CCDC102B: variants seen among roughly 807,000 people sequenced by gnomAD.
The protein encoded by CCDC102B is coiled-coil domain containing 102B.
In CCDC102B, 75 loss-of-function variants were observed where a neutral mutation model predicts 57.4. The observed-to-expected ratio is 1.31, with a 90% CI of 1.08 to 1.58. The LOEUF (loss-of-function observed/expected upper bound fraction) is 1.58. Among genes scored for constraint, CCDC102B ranks in the 40% most tolerant of loss-of-function variants. CCDC102B has a pLI of 0.00. For missense variants in CCDC102B, 636 were observed against 582.6 expected (o/e 1.09, Z -0.94); for synonymous variants, 206 against 201.9 (o/e 1.02, Z -0.17).
intron 6 of CCDC102B, among the ~76,000 whole-genome samples, chr18:68,989,678 T>C (rs665143): frequency 0.011 from 1,660 of 152,300 alleles, 42 homozygotes; most frequent in African/African-American, 0.038. Context: ...GCTACCACGT[T>C]GTCTCTCTTG....
At chr18:69,024,965 A>G (rs575989992) in intron 7 of CCDC102B, among the ~76,000 whole-genome samples, 52 of 152,234 alleles carry the variant, frequency 3.4e-4, no homozygotes, top group African/African-American at 1.2e-3. Context: ...CAACTTGCAT[A>G]ATCAGATCAA....
At chr18:68,839,035 C>A in intron 3 of CCDC102B, 109 bp downstream of exon 3, 1 of 920,944 alleles carries the variant, frequency 1.1e-6, no homozygotes, top group Non-Finnish European at 1.7e-6. Context: ...CATGTTTAGT[C>A]ATTAAGTTTT....
At chr18:68,883,951 T>C (rs1333262497) in intron 5 of CCDC102B, among the ~76,000 whole-genome samples, 1 of 152,146 alleles carries the variant, frequency 6.6e-6, no homozygotes, top group Non-Finnish European at 1.5e-5. Context: ...TTTCCTGTTA[T>C]GGAGAAGTTT....
At chr18:68,746,123 A>G (rs188392306) in intron 2 of CCDC102B, among the ~76,000 whole-genome samples, 2 of 152,344 alleles carry the variant, frequency 1.3e-5, no homozygotes, top group East Asian at 1.9e-4. Context: ...TATGCAACGC[A>G]TGACATCTTG....
chr18:69,036,487 G>A (rs890743877), intron 7 of CCDC102B, among the ~76,000 whole-genome samples: 1 of 152,022 alleles, frequency 6.6e-6, no homozygotes, highest in Non-Finnish European at 1.5e-5. Context: ...GGATTCATCT[G>A]GCATACCTAA....
At chr18:68,789,134 C>A (rs1433200615) in intron 2 of CCDC102B, among the ~76,000 whole-genome samples, 1 of 152,140 alleles carries the variant, frequency 6.6e-6, no homozygotes, top group Non-Finnish European at 1.5e-5. Context: ...AAATTCTTGT[C>A]TTTAAGAATG....
intron 2 of CCDC102B, among the ~76,000 whole-genome samples, chr18:68,756,593 C>T (rs932219186): frequency 1.3e-5 from 2 of 152,140 alleles, no homozygotes; most frequent in Admixed American, 6.6e-5. Context: ...CAAGAGAAGT[C>T]ATGCCCAATG....
chr18:68,818,913 T>C (rs1382367417), intron 1 of CCDC102B, among the ~76,000 whole-genome samples: 1 of 152,120 alleles, frequency 6.6e-6, no homozygotes, highest in Non-Finnish European at 1.5e-5. Context: ...CCGGTGTGCA[T>C]ATTGTCTTTC....
chr18:69,027,755 G>A (rs1344650190), intron 7 of CCDC102B, among the ~76,000 whole-genome samples: 2 of 151,768 alleles, frequency 1.3e-5, no homozygotes, highest in Admixed American at 1.3e-4. Flanking sequence ...TCCTTGAACA[G>A]TGCATACGTA....
chr18:68,944,750 G>A (rs1003807681), intron 6 of CCDC102B, among the ~76,000 whole-genome samples: 5 of 151,978 alleles, frequency 3.3e-5, no homozygotes, highest in Non-Finnish European at 7.4e-5. Flanking sequence ...GAACACTAAC[G>A]AGGTTAGGAA....
At chr18:69,046,478 G>A (rs1396956617) in intron 7 of CCDC102B, among the ~76,000 whole-genome samples, 1 of 151,920 alleles carries the variant, frequency 6.6e-6, no homozygotes, top group African/African-American at 2.4e-5. Flanking sequence ...AGGTTCTTAA[G>A]CATTCTGGAT....
intron 7 of CCDC102B, among the ~76,000 whole-genome samples, chr18:69,012,159 G>A (rs1240780998): frequency 6.6e-6 from 1 of 152,084 alleles, no homozygotes; most frequent in Non-Finnish European, 1.5e-5. Context: ...GATGGTGGAA[G>A]AGTAAGTTGG....
chr18:68,966,886 TG>T (rs2066115702), intron 6 of CCDC102B, among the ~76,000 whole-genome samples: 1 of 152,132 alleles, frequency 6.6e-6, no homozygotes, highest in Admixed American at 6.6e-5. Context: ...CCAGCTGTGG[TG>T]GAATCTACCA....
chr18:68,784,273 G>A (rs1292975318), intron 2 of CCDC102B, among the ~76,000 whole-genome samples: 1 of 151,830 alleles, frequency 6.6e-6, no homozygotes, highest in East Asian at 1.9e-4. Context: ...AAGGCAAAGG[G>A]TGAGTGAGGC....
chr18:69,031,004 T>G (rs1374010251), intron 7 of CCDC102B, among the ~76,000 whole-genome samples: 2 of 152,186 alleles, frequency 1.3e-5, no homozygotes, highest in African/African-American at 4.8e-5. Flanking sequence ...TCCATGAAAT[T>G]AAGGTTTTGT....
At chr18:68,927,564 A>G (rs1234933014) in intron 6 of CCDC102B, among the ~76,000 whole-genome samples, 1 of 152,004 alleles carries the variant, frequency 6.6e-6, no homozygotes, top group African/African-American at 2.4e-5. Context: ...AATAATTCCT[A>G]GAAATGACAT....
chr18:68,831,462 A>G (rs1031800951), intron 1 of CCDC102B, among the ~76,000 whole-genome samples: 3 of 152,162 alleles, frequency 2.0e-5, no homozygotes, highest in African/African-American at 7.2e-5. Context: ...CTTGGCAAAC[A>G]TGACATTGTT....
At chr18:69,036,774 C>T (rs1014984994) in intron 7 of CCDC102B, among the ~76,000 whole-genome samples, 1 of 151,962 alleles carries the variant, frequency 6.6e-6, no homozygotes, top group African/African-American at 2.4e-5. Context: ...CAAATTTCTA[C>T]ATTGGGTACA....
At chr18:68,890,393 G>C (rs1031162645) in intron 5 of CCDC102B, among the ~76,000 whole-genome samples, 1 of 151,942 alleles carries the variant, frequency 6.6e-6, no homozygotes, top group Admixed American at 6.6e-5. Context: ...ATGCCACCAC[G>C]CCTGACTAAA....
Sources: allele counts gnomAD v4.1 joint callset (sites outside exome capture counted in the v4.1 genomes callset), GRCh38; gene constraint gnomAD v4.1.1; transcripts MANE v1.5; gene names NCBI Gene and HGNC (gene_info 2026-07-23, HGNC 2026-07-21).